EHBP1: variants seen among roughly 807,000 people sequenced by gnomAD.
The protein encoded by EHBP1 is EH domain-binding protein 1.
A neutral mutation model predicts 144.0 loss-of-function variants in EHBP1; 55 were observed. The ratio of observed to expected loss-of-function variants is 0.38; its 90% CI spans 0.31 to 0.48. The LOEUF (loss-of-function observed/expected upper bound fraction) is 0.48. Among genes scored for constraint, EHBP1 ranks in the 20% least tolerant of loss-of-function variants. The probability of loss-of-function intolerance (pLI) is 0.98; values close to 1 mark genes in which losing one functional copy is unlikely to be tolerated. For synonymous variants in EHBP1, 469 were observed against 472.7 expected, an observed-to-expected ratio of 0.99 and a Z score of 0.10; for missense variants, 1,200 against 1,364.2, an observed-to-expected ratio of 0.88 and a Z score of 1.90.
At chr2:62,710,158 C>T (rs994627405) in intron 2 of EHBP1, among the ~76,000 whole-genome samples, 3 of 152,016 alleles carry the variant, frequency 2.0e-5, no homozygotes, top group African/African-American at 7.2e-5. Context: ...TTTTAGATTT[C>T]TGAGAGAAAT....
intron 5 of EHBP1, among the ~76,000 whole-genome samples, chr2:62,806,980 C>T (rs1272430883): frequency 1.3e-5 from 2 of 152,094 alleles, no homozygotes; most frequent in Admixed American, 6.6e-5. Flanking sequence ...TTCCAGGACC[C>T]CCTGCAGAAC....
intron 2 of EHBP1, among the ~76,000 whole-genome samples, chr2:62,708,532 C>T (rs527999135): frequency 1.3e-5 from 2 of 152,212 alleles, no homozygotes; most frequent in South Asian, 4.1e-4. Context: ...GTTTCCATAT[C>T]CATAAAGGTC....
At chr2:62,773,446 A>G (rs2041818823) in intron 5 of EHBP1, among the ~76,000 whole-genome samples, 1 of 151,298 alleles carries the variant, frequency 6.6e-6, no homozygotes, top group Non-Finnish European at 1.5e-5. Flanking sequence ...ATCTACCACA[A>G]TTTTTTTTTC....
chr2:62,875,358 A>G (rs1030951103), intron 10 of EHBP1, among the ~76,000 whole-genome samples: 1 of 152,236 alleles, frequency 6.6e-6, no homozygotes, highest in African/African-American at 2.4e-5. Context: ...GGGTTAGAGC[A>G]TGCAGCCCAC....
At chr2:63,014,926 C>T (rs1223754079) in intron 19 of EHBP1, among the ~76,000 whole-genome samples, 3 of 151,830 alleles carry the variant, frequency 2.0e-5, no homozygotes, top group Non-Finnish European at 2.9e-5. Flanking sequence ...TACAGTGAGC[C>T]GAGATCACGC....
At chr2:62,756,867 G>A (rs1297218426) in intron 3 of EHBP1, among the ~76,000 whole-genome samples, 1 of 151,296 alleles carries the variant, frequency 6.6e-6, no homozygotes, top group African/African-American at 2.4e-5. Flanking sequence ...AACTATGAAG[G>A]AAATGATTAT....
At chr2:62,815,773 C>T (rs1172718303) in intron 5 of EHBP1, among the ~76,000 whole-genome samples, 1 of 152,068 alleles carries the variant, frequency 6.6e-6, no homozygotes, top group African/African-American at 2.4e-5. Context: ...TTTCCCAGTG[C>T]TTGAAGATTT....
intron 13 of EHBP1, among the ~76,000 whole-genome samples, chr2:62,955,069 A>G (rs1032977713): frequency 7.9e-5 from 12 of 152,076 alleles, no homozygotes; most frequent in Non-Finnish European, 1.5e-4. Flanking sequence ...AAACATTCTC[A>G]AGGATTTAAA....
At chr2:62,729,393 T>C (rs55781763) in intron 2 of EHBP1, among the ~76,000 whole-genome samples, 1 of 115,300 alleles carries the variant, frequency 8.7e-6, no homozygotes, top group Non-Finnish European at 1.7e-5. Context: ...ATCATATTTA[T>C]TATATATAAT....
intron 10 of EHBP1, among the ~76,000 whole-genome samples, chr2:62,892,044 G>A (rs1204931440): frequency 6.6e-6 from 1 of 152,064 alleles, no homozygotes; most frequent in Non-Finnish European, 1.5e-5. Context: ...ATTCCAGTTT[G>A]GGACCATTCT....
At chr2:62,716,416 G>A (rs1366301912) in intron 2 of EHBP1, among the ~76,000 whole-genome samples, 1 of 152,152 alleles carries the variant, frequency 6.6e-6, no homozygotes, top group Non-Finnish European at 1.5e-5. Flanking sequence ...AGCATCTTTT[G>A]CTAGAGGTTC....
Position 62,729,528 on chromosome 2 carries a change from A to G in EHBP1, c.105-17867A>G, listed in dbSNP as rs867826957. On this transcript the variant is annotated intron_variant, in intron 2 of 22. Transcript: ENST00000431489. ...TAAATATAATAAAATAAATAAATAT[A>G]ATATATATAATATATATTATATATA... 1.0e-3 allele frequency among the ~76,000 whole-genome samples: 122 copies of G among 121,700 alleles called. 1 individual carries two copies. The highest frequency in any genetic ancestry group is 3.3e-3 in the African/African-American group (103 of 31,050). The allele number at this position is 121,700 out of a possible 152,430, so 79.8% of individuals were successfully genotyped here.
intron 2 of EHBP1, among the ~76,000 whole-genome samples, chr2:62,729,545 T>TAA (rs2037274902): frequency 8.4e-6 from 1 of 119,078 alleles, no homozygotes; most frequent in African/African-American, 3.3e-5. Context: ...ATAATATATA[T>TAA]TATATATAAT....
At chr2:63,006,449 C>T (rs1433092675) in intron 19 of EHBP1, among the ~76,000 whole-genome samples, 1 of 151,558 alleles carries the variant, frequency 6.6e-6, no homozygotes, top group Non-Finnish European at 1.5e-5. Context: ...CTGTTTTTTC[C>T]ACTTCTACTT....
intron 7 of EHBP1, chr2:62,858,330 G>T: frequency 1.1e-6 from 1 of 898,010 alleles, no homozygotes; most frequent in Non-Finnish European, 1.7e-6. Context: ...TGTCTTTTTG[G>T]GTAACAGCAT....
chr2:62,759,264 G>A (rs2040559036), intron 3 of EHBP1, among the ~76,000 whole-genome samples: 2 of 152,282 alleles, frequency 1.3e-5, no homozygotes, highest in African/African-American at 4.8e-5. Context: ...TAAATAATCT[G>A]CCTTTCCTAA....
chr2:62,796,169 A>G (rs530676197), intron 5 of EHBP1, among the ~76,000 whole-genome samples: 6 of 152,158 alleles, frequency 3.9e-5, no homozygotes, highest in South Asian at 2.1e-4. Flanking sequence ...TACTTTTACT[A>G]GAATACATCA....
At chr2:62,975,931 C>CAT (rs2058693311) in intron 14 of EHBP1, among the ~76,000 whole-genome samples, 1 of 143,718 alleles carries the variant, frequency 7.0e-6, no homozygotes, top group Non-Finnish European at 1.5e-5. Flanking sequence ...CACACACACA[C>CAT]ACACATATAT....
At chr2:63,024,458 T>C (rs1016959558) in intron 19 of EHBP1, among the ~76,000 whole-genome samples, 4 of 151,832 alleles carry the variant, frequency 2.6e-5, no homozygotes, top group African/African-American at 9.7e-5. Context: ...TAAAATGAGC[T>C]CAGCATGGTG....
Sources: gnomAD v4.1 joint callset for allele counts (sites outside exome capture counted in the v4.1 genomes callset) on GRCh38, gnomAD v4.1.1 for gene constraint, MANE v1.5 for transcripts, NCBI Gene and HGNC (gene_info 2026-07-23, HGNC 2026-07-21) for gene names.